The following MRM2 variants were observed in gnomAD, a reference collection of about 807,000 sequenced individuals.
MRM2 encodes rRNA methyltransferase 2, mitochondrial.
Under a neutral mutation model 10.9 loss-of-function variants are expected in MRM2, and 15 were observed. The ratio of observed to expected loss-of-function variants is 1.37; its 90% CI spans 0.92 to 2.11. MRM2 has a LOEUF of 2.11. Ranked by LOEUF, MRM2 falls within the 30% of genes most tolerant of loss-of-function variation. The pLI is 0.00. For synonymous variants in MRM2, 139 were observed against 128.7 expected, an observed-to-expected ratio of 1.08 and a Z score of -0.54; for missense variants, 328 against 321.3, an observed-to-expected ratio of 1.02 and a Z score of -0.16.
rs774143934 is a variant in MRM2, at chr7:2,235,428, G to C, written c.435C>G (p.Gly145=). Residue 145 remains glycine, a synonymous_variant, in exon 3 of 3, where the codon GGC becomes GGG. Coordinates refer to ENST00000242257, the MANE Select transcript of MRM2 (RefSeq NM_013393.3). The part of the protein sequence containing the change: ...TSQRILEVLP[G]RRADVILSDM... ...CGCTCAGAATCACATCTGCTCTCCT[G>C]CCAGGAAGCACCTCGAGGATTCTCT... The C allele has an allele frequency of 1.2e-6, 2 of 1,614,046 alleles. No homozygotes were observed. Among genetic ancestry groups the C allele is most frequent in the Admixed American group, 3.3e-5 (2 of 59,990 alleles).
Position 2,234,862 on chromosome 7 carries a change from C to A in MRM2, c.*260G>T, listed in dbSNP as rs1375850275. ...AGTCTGTTTTTCTCCATCCTTCCAT[C>A]CTCACCTCTTTCTCTTGATAACTTT... is the stretch of plus-strand genomic sequence containing the variant. On this transcript the variant is annotated 3_prime_UTR_variant, in exon 3 of 3. Transcript: ENST00000242257. 8.1e-6 allele frequency: 4 copies of A among 492,540 alleles called. No individual in the cohort carries two copies. The highest frequency in any genetic ancestry group is 1.1e-5 in the Non-Finnish European group (3 of 275,262). 30.5% of individuals were successfully genotyped at this position (492,540 alleles called of 1,614,324 possible). A position where few individuals can be genotyped will look rare whatever the true frequency, so the allele number is the denominator to read the frequency against.
intron 2 of MRM2, chr7:2,239,011 ATATATATATATATAT>A (rs1252838188): frequency 0.023 from 1,296 of 56,282 alleles, 111 homozygotes; most frequent in African/African-American, 0.067. Context: ...ATATATATAT[ATATATATATATATAT>A]ATAATACATA....
intron 2 of MRM2, among the ~76,000 whole-genome samples, chr7:2,237,068 G>A (rs984227715): frequency 2.0e-5 from 3 of 152,104 alleles, no homozygotes; most frequent in African/African-American, 4.8e-5. Context: ...TCCGTTGCAC[G>A]GCCTCAGCTC....
chr7:2,235,514 A>G lies in MRM2; in HGVS notation c.349T>C (p.Phe117Leu), dbSNP rs778753421. 62 of 1,613,592 alleles carry G rather than the reference A, an allele frequency of 3.8e-5. No homozygotes were observed. In the Admixed American group the frequency reaches 1.0e-3, roughly 26 times the overall value. The change falls in exon 3 of 3, where the codon TTC becomes CTC. Residue 117 changes from phenylalanine (F) to leucine (L), a missense_variant. By Grantham distance (22) the Phe-to-Leu change is conservative. Coordinates refer to ENST00000242257, the MANE Select transcript of MRM2 (RefSeq NM_013393.3). ...FVLGVDLLHIFPLEGATFLCP... is the reference protein window; with the variant it reads ...FVLGVDLLHILPLEGATFLCP... ...AGAAAAGTTGCTCCTTCCAGGGGGA[A>G]TATGTGAAGAAGATCTACCCCAAGC...
At chr7:2,240,170 C>T (rs768769659) in intron 1 of MRM2, 3 of 379,812 alleles carry the variant, frequency 7.9e-6, no homozygotes, top group East Asian at 8.8e-5. Flanking sequence ...TGCAGTGAGC[C>T]GAGATTGCGC....
chr7:2,238,554 G>C (rs993740412), intron 2 of MRM2: 3 of 152,212 alleles, frequency 2.0e-5, no homozygotes, highest in African/African-American at 7.2e-5. Context: ...GTTCCGGACG[G>C]AGCAGCCCCA....
intron 1 of MRM2, chr7:2,240,186 C>T: frequency 2.3e-6 from 1 of 429,818 alleles, no homozygotes; most frequent in Non-Finnish European, 4.7e-6. Context: ...TGCGCCACTG[C>T]ACTCCAGCCT....
intron 2 of MRM2, among the ~76,000 whole-genome samples, chr7:2,237,668 A>T (rs1280595360): frequency 2.6e-5 from 4 of 152,156 alleles, no homozygotes; most frequent in Non-Finnish European, 5.9e-5. Context: ...GCTGACCACG[A>T]TGGAAGCACC....
Position 2,242,176 on chromosome 7 carries a change from T to C in MRM2, c.-7A>G, listed in dbSNP as rs1158455831. 4 of 1,584,372 alleles carry C rather than the reference T, an allele frequency of 2.5e-6. No homozygotes were observed. The highest frequency in any genetic ancestry group is 2.3e-5 in the East Asian group (1 of 42,812). On this transcript the variant is annotated 5_prime_UTR_variant, in exon 1 of 3. Coordinates refer to ENST00000242257, the MANE Select transcript of MRM2 (RefSeq NM_013393.3). ...GCCCAGCTCACCCCGCCATTGGTGT[T>C]CCCCGCGCCTGCAGCGCGCCGCCGG...
Position 2,242,173 on chromosome 7 carries a change from T to G in MRM2, c.-4A>C, listed in dbSNP as rs548804514. 11 of 1,586,928 alleles carry G rather than the reference T, an allele frequency of 6.9e-6. No homozygotes were observed. The African/African-American group carries it at 8.2e-5, about 12-fold the overall frequency. Reference sequence around the variant, plus strand: ...AGCGCCCAGCTCACCCCGCCATTGGTGTTCCCCGCGCCTGCAGCGCGCCGC... The same window carrying G: ...AGCGCCCAGCTCACCCCGCCATTGGGGTTCCCCGCGCCTGCAGCGCGCCGC... On this transcript the variant is annotated 5_prime_UTR_variant, in exon 1 of 3. Transcript: ENST00000242257.
At chr7:2,239,750 A>G in intron 1 of MRM2, 43 bp from the exon 2 acceptor site, 2 of 1,577,416 alleles carry the variant, frequency 1.3e-6, no homozygotes, top group Non-Finnish European at 1.7e-6. Context: ...CATCACACAG[A>G]ACGGCAGGTC....
rs772255489 is a variant in MRM2, at chr7:2,235,271, C to T, written c.592G>A (p.Gly198Arg). The T allele has an allele frequency of 5.0e-6, 8 of 1,614,140 alleles. No individual in the cohort carries two copies. The highest frequency in any genetic ancestry group is 6.8e-6 in the Non-Finnish European group (8 of 1,180,016). Residue 198 changes from glycine to arginine, a missense_variant, in exon 3 of 3, where the codon GGA (glycine) becomes AGA (arginine). By Grantham distance (125) the Gly-to-Arg change is moderately radical (BLOSUM62 -2). Coordinates refer to ENST00000242257, the MANE Select transcript of MRM2 (RefSeq NM_013393.3). ...CTCTGTAACCGACGGCTTTGACTTCCAGCCCAGGTTTTACAAAGGAATGTC... is the reference window on the plus strand; with the variant it reads ...CTCTGTAACCGACGGCTTTGACTTCTAGCCCAGGTTTTACAAAGGAATGTC... ...GGTFLCKTWA[G>R]SQSRRLQRRL...
At chr7:2,241,546 C>A (rs1245427925) in intron 1 of MRM2, among the ~76,000 whole-genome samples, 1 of 152,108 alleles carries the variant, frequency 6.6e-6, no homozygotes, top group Admixed American at 6.6e-5. Context: ...AAACGATCCT[C>A]CTGCCTCAGA....
At chr7:2,241,144 G>A (rs543165584) in intron 1 of MRM2, among the ~76,000 whole-genome samples, 2 of 151,970 alleles carry the variant, frequency 1.3e-5, no homozygotes, top group South Asian at 4.2e-4. Context: ...TGAGACTACA[G>A]GTGTGTGCCA....
intron 1 of MRM2, among the ~76,000 whole-genome samples, chr7:2,240,112 C>T (rs1794493398): frequency 6.6e-6 from 1 of 152,158 alleles, no homozygotes; most frequent in Non-Finnish European, 1.5e-5. Flanking sequence ...AACCCAGCTA[C>T]TCGGGAGGCT....
At position 2,235,457 on chromosome 7, in the gene MRM2, A is replaced by C. The variant is rs759979052; in HGVS notation, c.406T>G (p.Ser136Ala). ...CPADVTDPRT[S>A]QRILEVLPGR... The stretch of plus-strand genomic sequence containing the variant: ...GGAAGCACCTCGAGGATTCTCTGTG[A>C]GGTTCTCGGGTCAGTCACGTCAGCA... Residue 136 changes from serine to alanine, a missense_variant, in exon 3 of 3, where the codon TCA (serine) becomes GCA (alanine). Ser to Ala is a moderately conservative substitution (Grantham distance 99). Coordinates refer to ENST00000242257, the MANE Select transcript of MRM2 (RefSeq NM_013393.3). 19 of 1,613,858 alleles carry C rather than the reference A, an allele frequency of 1.2e-5. No homozygotes were observed.
In MRM2 at chr7:2,239,007, ATATATATATATATATATAT is replaced by A. The variant is rs1427298017; in HGVS notation, c.298+392_298+410del. 2.1e-3 allele frequency: 162 copies of A among 78,894 alleles called. 9 individuals are homozygous for A. The highest frequency in any genetic ancestry group is 3.9e-3 in the South Asian group (10 of 2,554). 4.9% of individuals were successfully genotyped at this position (78,894 alleles called of 1,614,324 possible). On this transcript the variant is annotated intron_variant, in intron 2 of 2. Coordinates refer to ENST00000242257, the MANE Select transcript of MRM2 (RefSeq NM_013393.3). The stretch of plus-strand genomic sequence containing the variant: ...TATATATATATATATATATATATAT[ATATATATATATATATATAT>A]ATAATACATATATGTATGTATCATT...
rs984858699 is a variant in MRM2 at position 2,234,218 on chromosome 7, A to G, written c.*904T>C. The G allele has an allele frequency of 6.6e-6, 1 of 152,226 alleles. No homozygotes were observed. Among genetic ancestry groups the G allele is most frequent in the Non-Finnish European group, 1.5e-5 (1 of 68,044 alleles). 9.4% of individuals were successfully genotyped at this position (152,226 alleles called of 1,614,324 possible). A position where few individuals can be genotyped will look rare whatever the true frequency, so the allele number is the denominator to read the frequency against. ...AGTACCTTAAAATAATGCAATCTCT[A>G]TTATTTTATTAAATATAAAGCTGCG... is the stretch of plus-strand genomic sequence containing the variant. On this transcript the variant is annotated 3_prime_UTR_variant, in exon 3 of 3. Transcript: ENST00000242257.
Position 2,234,759 on chromosome 7 carries a change from C to T in MRM2, c.*363G>A. 1 of 283,048 alleles carries T rather than the reference C, an allele frequency of 3.5e-6. No homozygotes were observed. Among genetic ancestry groups the T allele is most frequent in the Non-Finnish European group, 6.7e-6 (1 of 148,618 alleles). The allele number at this position is 283,048 out of a possible 1,614,324, so 17.5% of individuals were successfully genotyped here. A position where few individuals can be genotyped will look rare whatever the true frequency, so the allele number is the denominator to read the frequency against. Reference sequence around the variant, plus strand: ...TGTTTGTGTGTGACAGTTTAACAGTCTATAAGATGAAGTCCCGTCAAGGCA... The same window carrying T: ...TGTTTGTGTGTGACAGTTTAACAGTTTATAAGATGAAGTCCCGTCAAGGCA... On this transcript the variant is annotated 3_prime_UTR_variant, in exon 3 of 3. Coordinates refer to ENST00000242257, the MANE Select transcript of MRM2 (RefSeq NM_013393.3).
Sources: allele counts gnomAD v4.1 joint callset (sites outside exome capture counted in the v4.1 genomes callset), GRCh38; gene constraint gnomAD v4.1.1; transcripts MANE v1.5; gene names NCBI Gene and HGNC (gene_info 2026-07-23, HGNC 2026-07-21).